Variants in DDX42 observed in about 807,000 individuals in gnomAD.
DDX42 encodes ATP-dependent RNA helicase DDX42.
In DDX42, 22 loss-of-function variants were observed where a neutral mutation model predicts 101.5. The ratio of observed to expected loss-of-function variants is 0.22; its 90% confidence interval spans 0.15 to 0.31. The LOEUF (loss-of-function observed/expected upper bound fraction) is 0.31, where lower values mean the gene tolerates loss of function less well. Among genes scored for constraint, DDX42 ranks in the 10% least tolerant of loss-of-function variants. The pLI, the probability that DDX42 is intolerant of heterozygous loss-of-function variation, is 1.00. For missense variants in DDX42, 849 were observed against 1,199.9 expected (o/e 0.71, Z 4.32); for synonymous variants, 402 against 401.2 (o/e 1.00, Z -0.02).
chr17:63,811,377 G>T, intron 13 of DDX42: 1 of 470,290 alleles, frequency 2.1e-6, no homozygotes. Context: ...GCTAGGTGAT[G>T]GGTATGAGTT....
intron 9 of DDX42, 50 bp downstream of exon 9, chr17:63,807,950 A>ACCAG: frequency 6.5e-7 from 1 of 1,539,866 alleles, no homozygotes; most frequent in Non-Finnish European, 8.8e-7. Flanking sequence ...CTAGCAAGGG[A>ACCAG]CCAGCCAGTC....
At chr17:63,812,741 C>T (rs529140320) in intron 14 of DDX42, among the ~76,000 whole-genome samples, 1 of 151,982 alleles carries the variant, frequency 6.6e-6, no homozygotes, top group Non-Finnish European at 1.5e-5. Flanking sequence ...GATAAAAGTC[C>T]CAGTCGGGCA....
intron 2 of DDX42, among the ~76,000 whole-genome samples, chr17:63,790,379 C>T (rs1454403873): frequency 6.6e-6 from 1 of 152,122 alleles, no homozygotes; most frequent in African/African-American, 2.4e-5. Context: ...AATCCCAGCA[C>T]TTTGGGAGGC....
intron 14 of DDX42, 124 bp downstream of exon 14, chr17:63,812,332 C>T: frequency 8.2e-7 from 1 of 1,221,824 alleles, no homozygotes; most frequent in Non-Finnish European, 1.1e-6. Flanking sequence ...TGGCCATCCC[C>T]TCCCAAACCC....
chr17:63,784,212 A>G (rs891127691), intron 1 of DDX42, among the ~76,000 whole-genome samples: 3 of 152,250 alleles, frequency 2.0e-5, no homozygotes, highest in Non-Finnish European at 4.4e-5. Context: ...CAATGTTACT[A>G]TAATAAACAG....
intron 12 of DDX42, among the ~76,000 whole-genome samples, 187 bp downstream of exon 12, chr17:63,810,747 A>G (rs545997800): frequency 6.6e-6 from 1 of 152,302 alleles, no homozygotes; most frequent in South Asian, 2.1e-4. Context: ...GTTCCTTTTT[A>G]TAGATGATAA....
At position 63,813,425 on chromosome 17, in the gene DDX42, T is replaced by C. The variant is rs1372906954; in HGVS notation, c.1873T>C (p.Ser625Pro). 1 of 1,614,076 alleles carries C rather than the reference T, an allele frequency of 6.2e-7. No homozygotes were observed. The highest frequency in any genetic ancestry group is 1.1e-5 in the South Asian group (1 of 91,076). The part of the protein sequence containing the change: ...RNLEGANQHV[S>P]KELLDLAMQN... The stretch of plus-strand genomic sequence containing the variant: ...CTTGGAAGGAGCCAATCAACACGTT[T>C]CTAAGGAACTCCTAGATCTGGCAAT... Residue 625 changes from serine to proline, a missense_variant, in exon 15 of 18, where the codon TCT becomes CCT. Ser to Pro is a moderately conservative substitution (Grantham distance 74). Around this residue, in one of 5 missense-constraint regions of DDX42, gnomAD observed 86 missense variants for 160.8 expected, o/e 0.53. Transcript: ENST00000389924.
chr17:63,780,387 G>A (rs1431908670), intron 1 of DDX42, among the ~76,000 whole-genome samples: 1 of 152,176 alleles, frequency 6.6e-6, no homozygotes, highest in East Asian at 1.9e-4. Flanking sequence ...ATTTAATCAG[G>A]AAGGGTGGTT....
chr17:63,779,752 T>G (rs2039463895), intron 1 of DDX42, among the ~76,000 whole-genome samples: 1 of 152,056 alleles, frequency 6.6e-6, no homozygotes, highest in Admixed American at 6.6e-5. Context: ...TTTTTTTTCT[T>G]TTTGTTTTCT....
intron 3 of DDX42, among the ~76,000 whole-genome samples, chr17:63,794,505 T>G (rs2039668121): frequency 6.6e-6 from 1 of 151,890 alleles, no homozygotes; most frequent in African/African-American, 2.4e-5. Flanking sequence ...AGACCCTTTC[T>G]CAACAAAATG....
intron 14 of DDX42, 21 bp from the exon 15 acceptor site, chr17:63,813,207 T>C (rs369570292): frequency 8.9e-6 from 14 of 1,572,474 alleles, no homozygotes; most frequent in Non-Finnish European, 1.2e-5. Context: ...AATAAAAGAA[T>C]TTGGTTGCTT....
intron 8 of DDX42, among the ~76,000 whole-genome samples, 173 bp downstream of exon 8, chr17:63,806,827 A>G (rs1025079644): frequency 1.3e-5 from 2 of 152,228 alleles, no homozygotes; most frequent in African/African-American, 2.4e-5. Flanking sequence ...ATTCTTTTGT[A>G]TCTGATACGT....
At chr17:63,812,258 CTCTG>C in intron 14 of DDX42, 50 bp downstream of exon 14, 1 of 1,571,972 alleles carries the variant, frequency 6.4e-7, no homozygotes, top group Non-Finnish European at 8.6e-7. Flanking sequence ...TATAAGGGTA[CTCTG>C]TCTTACTACA....
chr17:63,800,582 A>G lies in DDX42; in HGVS notation c.586A>G (p.Ile196Val), dbSNP rs992259661. The G allele has an allele frequency of 6.2e-7, 1 of 1,614,156 alleles. No homozygotes were observed. The highest frequency in any genetic ancestry group is 8.5e-7 in the Non-Finnish European group (1 of 1,180,010). Residue 196 changes from isoleucine to valine, a missense_variant, in exon 6 of 18, where the codon ATC (isoleucine) becomes GTC (valine). This residue lies in a region of DDX42 where 370 missense variants were observed against 608.8 expected (regional missense o/e 0.61). Coordinates refer to ENST00000389924, the MANE Select transcript of DDX42 (RefSeq NM_203499.3). The stretch of plus-strand genomic sequence containing the variant: ...AAATCCAATTGCACCTACCAAAAAA[A>G]TCATTGATCCTCTTCCCCCCATTGA... ...DGNPIAPTKK[I>V]IDPLPPIDHS...
At chr17:63,777,657 C>T (rs1488333216) in intron 1 of DDX42, among the ~76,000 whole-genome samples, 1 of 151,692 alleles carries the variant, frequency 6.6e-6, no homozygotes, top group East Asian at 2.0e-4. Context: ...AGCATGTTAG[C>T]CAGGATTGTC....
At chr17:63,788,093 T>C (rs543011821) in intron 2 of DDX42, among the ~76,000 whole-genome samples, 51 of 151,742 alleles carry the variant, frequency 3.4e-4, no homozygotes, top group Non-Finnish European at 5.6e-4. Flanking sequence ...TTAGTAGAGA[T>C]GGGGTTTCAC....
rs1567737116 is a variant in DDX42 at position 63,798,097 on chromosome 17, A to G, written c.432A>G (p.Val144=). Residue 144 remains valine, a splice_region_variant and synonymous_variant, in exon 4 of 18, where the codon GTA becomes GTG. Coordinates refer to ENST00000389924, the MANE Select transcript of DDX42 (RefSeq NM_203499.3). ...LEEKDKERKN[V]KGIRDDIEEE... ...AAAAGGACAAGGAAAGAAAAAACGT[A>G]AAGTAAGTTGTTTTCTTCTCCCTCA... is the stretch of plus-strand genomic sequence containing the variant. 7 of 1,613,418 alleles carry G rather than the reference A, an allele frequency of 4.3e-6. No homozygotes were observed. The highest frequency in any genetic ancestry group is 1.7e-5 in the Admixed American group (1 of 59,932).
In DDX42 at chr17:63,811,155, G is replaced by A. The variant is rs2084980946; in HGVS notation, c.1380G>A (p.Val460=). The A allele has an allele frequency of 1.2e-6, 2 of 1,613,966 alleles. No individual in the cohort carries two copies. The highest frequency in any genetic ancestry group is 1.7e-6 in the Non-Finnish European group (2 of 1,179,948). The change falls in exon 13 of 18, where the codon GTG becomes GTA. Residue 460 remains valine (V), a synonymous_variant. Transcript: ENST00000389924. ...RDILIDPIRV[V]QGDIGEANED... is the part of the protein sequence containing the mutation. ...TCCTGATCGACCCTATTCGAGTGGT[G>A]CAGGGAGATATTGGAGAGGTAACCC...
chr17:63,785,745 A>G (rs1036882982), intron 1 of DDX42, among the ~76,000 whole-genome samples: 2 of 152,250 alleles, frequency 1.3e-5, no homozygotes, highest in African/African-American at 2.4e-5. Flanking sequence ...GCAACATGTC[A>G]GTGAATCATA....
Sources: allele counts gnomAD v4.1 joint callset (sites outside exome capture counted in the v4.1 genomes callset), GRCh38; gene constraint gnomAD v4.1.1; regional missense constraint gnomAD v4.1.1; transcripts MANE v1.5; gene names NCBI Gene and HGNC (gene_info 2026-07-23, HGNC 2026-07-21).